ANAPC11: variants seen among roughly 807,000 people sequenced by gnomAD.
ANAPC11 encodes anaphase-promoting complex subunit 11.
A neutral mutation model predicts 11.8 loss-of-function variants in ANAPC11; 5 were observed. That is an observed-to-expected ratio of 0.42 (90% CI 0.22 to 0.89). The LOEUF is 0.89. Ranked by LOEUF, ANAPC11 falls within the 40% of genes least tolerant of loss-of-function variation. ANAPC11 has a pLI of 0.28. For synonymous variants in ANAPC11, 45 were observed against 41.0 expected, an observed-to-expected ratio of 1.10 and a Z score of -0.38; for missense variants, 68 against 112.9, an observed-to-expected ratio of 0.60 and a Z score of 1.80.
upstream of ANAPC11, chr17:81,891,130 G>A (rs1212830199): frequency 1.6e-6 from 1 of 609,800 alleles, no homozygotes; most frequent in Non-Finnish European, 2.5e-6. Flanking sequence ...CAGCCTCCGG[G>A]ACCGGACCCC....
chr17:81,898,499 A>T (rs139617866), intron 3 of ANAPC11: 50 of 152,362 alleles, frequency 3.3e-4, no homozygotes, highest in African/African-American at 1.2e-3. Context: ...TTGAGAGTCT[A>T]ATTTTTGGAC....
chr17:81,892,603 A>T (rs1183161475), intron 1 of ANAPC11, among the ~76,000 whole-genome samples: 2 of 145,050 alleles, frequency 1.4e-5, no homozygotes, highest in African/African-American at 5.4e-5. Context: ...GCTCACTGCA[A>T]CCTCTGCCTC....
intron 3 of ANAPC11, chr17:81,898,742 AGTTTTAATTTAAAAAAAT>A (rs1000204782): frequency 1.9e-5 from 3 of 155,370 alleles, no homozygotes; most frequent in African/African-American, 7.2e-5. Context: ...TGCCGAGAGG[AGTTTTAATTTAAAAAAAT>A]GCAATCAGGA....
chr17:81,892,772 C>T (rs1429292911), intron 1 of ANAPC11, among the ~76,000 whole-genome samples: 5 of 152,082 alleles, frequency 3.3e-5, no homozygotes, highest in Admixed American at 6.5e-5. Flanking sequence ...ATCCGCCCGC[C>T]TTGGCCTCCC....
chr17:81,891,110 G>A (rs2039516238), upstream of ANAPC11: 3 of 655,158 alleles, frequency 4.6e-6, no homozygotes, highest in African/African-American at 1.9e-5. Flanking sequence ...CAAAGAGCTG[G>A]GAAGGGTCTC....
At chr17:81,898,156 G>A (rs533641203) in intron 3 of ANAPC11, 5 of 152,292 alleles carry the variant, frequency 3.3e-5, no homozygotes, top group South Asian at 2.1e-4. Context: ...AACAAAGAGT[G>A]CGTGGGATGC....
At chr17:81,893,872 C>A (rs942064648) in intron 2 of ANAPC11, among the ~76,000 whole-genome samples, 1 of 150,548 alleles carries the variant, frequency 6.6e-6, no homozygotes, top group Non-Finnish European at 1.5e-5. Flanking sequence ...GCTGGGATCA[C>A]AGGTGTGAGC....
chr17:81,897,499 CAG>C (rs2039786011), intron 3 of ANAPC11, among the ~76,000 whole-genome samples: 1 of 151,298 alleles, frequency 6.6e-6, no homozygotes, highest in Non-Finnish European at 1.5e-5. Flanking sequence ...TTTTTTGAGA[CAG>C]GGTCTTGCTG....
intron 3 of ANAPC11, chr17:81,899,116 G>T (rs1002851417): frequency 3.8e-5 from 40 of 1,052,298 alleles, no homozygotes; most frequent in Non-Finnish European, 5.3e-5. Flanking sequence ...CTGCCGTGGG[G>T]CTGGGGCTGG....
At chr17:81,891,061 CCT>C, upstream of ANAPC11, 1 of 685,114 alleles carries the variant, frequency 1.5e-6, no homozygotes, top group Non-Finnish European at 2.4e-6. Flanking sequence ...CCCAGCGTCC[CCT>C]CCTCTCCTGC....
In ANAPC11 at chr17:81,891,766, T is replaced by G. The variant is rs1386196065; in HGVS notation, c.-150T>G. 5.5e-6 allele frequency: 2 copies of G among 365,948 alleles called. No individual in the cohort carries two copies. The highest frequency in any genetic ancestry group is 2.3e-5 in the African/African-American group (1 of 43,896). The allele number at this position is 365,948 out of a possible 1,614,324, so 22.7% of individuals were successfully genotyped here. A position where few individuals can be genotyped will look rare whatever the true frequency, so the allele number is the denominator to read the frequency against. On this transcript the variant is annotated 5_prime_UTR_variant, in exon 1 of 4. Transcript: ENST00000344877. ...GACTCGGCGGGCGCTGTTGAGGGAG[T>G]CGGGCCGCGACTGTGGTCGTTTTTA...
intron 2 of ANAPC11, 193 bp from the exon 3 acceptor site, chr17:81,894,269 TAAAAG>T: frequency 2.6e-6 from 1 of 378,814 alleles, no homozygotes; most frequent in Non-Finnish European, 4.6e-6. Context: ...TTAATAAAAA[TAAAAG>T]TAAAATAAAA....
At chr17:81,898,267 G>A in intron 3 of ANAPC11, 1 of 152,302 alleles carries the variant, frequency 6.6e-6, no homozygotes, top group Non-Finnish European at 1.5e-5. Context: ...TGGGCCAGAT[G>A]TGGGTGGTGA....
intron 3 of ANAPC11, among the ~76,000 whole-genome samples, chr17:81,895,351 C>CA (rs1357504000): frequency 6.6e-6 from 1 of 152,136 alleles, no homozygotes; most frequent in Admixed American, 6.5e-5. Context: ...GTGCCCCCCC[C>CA]AACATTTTCA....
At chr17:81,899,889 G>T in intron 3 of ANAPC11, 31 bp from the exon 4 acceptor site, 2 of 1,597,970 alleles carry the variant, frequency 1.3e-6, no homozygotes, top group Admixed American at 1.7e-5. Context: ...GCCTGGTCAT[G>T]CCTGTCCTTT....
upstream of ANAPC11, chr17:81,891,140 C>G (rs62077241): frequency 1.2e-5 from 7 of 595,484 alleles, no homozygotes; most frequent in Non-Finnish European, 1.5e-5. Flanking sequence ...GACCGGACCC[C>G]GAAAGAACGA....
At chr17:81,895,659 G>GTAGGCAGATCACAGGGTCAAGAGATC (rs1245342613) in intron 3 of ANAPC11, among the ~76,000 whole-genome samples, 1 of 152,184 alleles carries the variant, frequency 6.6e-6, no homozygotes, top group East Asian at 1.9e-4. Flanking sequence ...GGAGGCCAAG[G>GTAGGCAGATCACAGGGTCAAGAGATC]TAGGCAGATC....
At chr17:81,891,470 G>T, upstream of ANAPC11, 1 of 1,131,644 alleles carries the variant, frequency 8.8e-7, no homozygotes, top group South Asian at 2.4e-5. Flanking sequence ...AGCCGGCCCG[G>T]CCGCGGCCCC....
At chr17:81,891,393 CG>C, upstream of ANAPC11, 1 of 1,092,608 alleles carries the variant, frequency 9.2e-7, no homozygotes, top group Non-Finnish European at 1.1e-6. Context: ...CGGCCGGTTC[CG>C]GATGGGCCCG....
Sources: gnomAD v4.1 joint callset for allele counts (sites outside exome capture counted in the v4.1 genomes callset) on GRCh38, gnomAD v4.1.1 for gene constraint, MANE v1.5 for transcripts, NCBI Gene and HGNC (gene_info 2026-07-23, HGNC 2026-07-21) for gene names.